CACNB2: variants seen among roughly 807,000 people sequenced by gnomAD.
The protein encoded by CACNB2 is calcium voltage-gated channel auxiliary subunit beta 2, also known as voltage-dependent L-type calcium channel subunit beta-2.
A neutral mutation model predicts 73.3 loss-of-function variants in CACNB2; 42 were observed. The observed-to-expected ratio is 0.57, with a 90% confidence interval of 0.45 to 0.74. CACNB2 has a LOEUF of 0.74. CACNB2 is among the 30% of genes least tolerant of loss of function. CACNB2 has a pLI of 0.00. For synonymous variants in CACNB2, 348 were observed against 310.3 expected (o/e 1.12, Z -1.28); for missense variants, 940 against 853.0 (o/e 1.10, Z -1.27).
At chr10:18,503,060 T>C (rs2050295107) in intron 5 of CACNB2, among the ~76,000 whole-genome samples, 1 of 152,198 alleles carries the variant, frequency 6.6e-6, no homozygotes, top group African/African-American at 2.4e-5. Context: ...CAGTAAATTA[T>C]TCATTAGACC....
chr10:18,447,088 T>G (rs1040687140), intron 3 of CACNB2, among the ~76,000 whole-genome samples: 1 of 151,728 alleles, frequency 6.6e-6, no homozygotes, highest in African/African-American at 2.4e-5. Context: ...AATAAAAAGT[T>G]GATAGGTAAA....
At chr10:18,519,233 A>G (rs1188177911) in intron 9 of CACNB2, among the ~76,000 whole-genome samples, 1 of 152,120 alleles carries the variant, frequency 6.6e-6, no homozygotes, top group Admixed American at 6.6e-5. Flanking sequence ...CCCTCAATTC[A>G]TGGTCAACTG....
chr10:18,480,670 C>T (rs1357418093), intron 3 of CACNB2, among the ~76,000 whole-genome samples: 3 of 152,130 alleles, frequency 2.0e-5, no homozygotes, highest in East Asian at 3.9e-4. Context: ...AAACAGAATC[C>T]AGAACTTTTA....
intron 2 of CACNB2, among the ~76,000 whole-genome samples, chr10:18,179,682 T>C (rs2033778517): frequency 6.6e-6 from 1 of 152,206 alleles, no homozygotes; most frequent in Non-Finnish European, 1.5e-5. Context: ...GTTTAACTTT[T>C]TGTATGATGC....
intron 3 of CACNB2, among the ~76,000 whole-genome samples, chr10:18,470,012 C>A (rs2048099315): frequency 6.6e-6 from 1 of 151,984 alleles, no homozygotes; most frequent in Admixed American, 6.6e-5. Context: ...TTTTCTTTAT[C>A]ATGCTATAAA....
At chr10:18,326,531 A>G (rs979084362) in intron 2 of CACNB2, among the ~76,000 whole-genome samples, 23 of 152,224 alleles carry the variant, frequency 1.5e-4, no homozygotes, top group Non-Finnish European at 2.6e-4. Flanking sequence ...CAGAACTGCT[A>G]TGCCCTCTGA....
chr10:18,466,064 T>G (rs1198388330), intron 3 of CACNB2, among the ~76,000 whole-genome samples: 3 of 152,100 alleles, frequency 2.0e-5, no homozygotes, highest in Non-Finnish European at 2.9e-5. Flanking sequence ...TGACAACACT[T>G]GACAAACACA....
At chr10:18,207,516 G>A (rs947492662) in intron 2 of CACNB2, among the ~76,000 whole-genome samples, 2 of 152,110 alleles carry the variant, frequency 1.3e-5, no homozygotes, top group Non-Finnish European at 2.9e-5. Flanking sequence ...GTGGGGTGGG[G>A]GAGAAACTAT....
chr10:18,492,893 C>T (rs1229264447), intron 3 of CACNB2, among the ~76,000 whole-genome samples: 1 of 152,008 alleles, frequency 6.6e-6, no homozygotes, highest in African/African-American at 2.4e-5. Context: ...GAAATATTTA[C>T]TTAGGTGTAG....
At chr10:18,281,077 G>C (rs2038525788) in intron 2 of CACNB2, among the ~76,000 whole-genome samples, 1 of 152,192 alleles carries the variant, frequency 6.6e-6, no homozygotes, top group Non-Finnish European at 1.5e-5. Context: ...TATCTGACTT[G>C]AAATCTATGC....
At chr10:18,536,243 C>CTTTTCTTTTTTTTTTTTTT (rs1327787339) in intron 12 of CACNB2, 47 bp downstream of exon 12, 31 of 283,174 alleles carry the variant, frequency 1.1e-4, no homozygotes, top group Admixed American at 1.4e-4. Flanking sequence ...GAGATCAGAC[C>CTTTTCTTTTTTTTTTTTTT]TTTTTTTTTT....
chr10:18,260,469 G>T, intron 2 of CACNB2: 1 of 985,396 alleles, frequency 1.0e-6, no homozygotes, highest in African/African-American at 1.7e-5. Flanking sequence ...ACAACTGTGC[G>T]CCGCAGTGCT....
At chr10:18,446,807 G>A (rs1378680113) in intron 3 of CACNB2, among the ~76,000 whole-genome samples, 2 of 152,164 alleles carry the variant, frequency 1.3e-5, no homozygotes, top group Middle Eastern at 3.2e-3. Context: ...GCTCATGCCT[G>A]TAATCCTAGC....
At chr10:18,535,225 T>C (rs2133293009) in intron 11 of CACNB2, among the ~76,000 whole-genome samples, 1 of 152,316 alleles carries the variant, frequency 6.6e-6, no homozygotes, top group South Asian at 2.1e-4. Flanking sequence ...CAGGTTCAGA[T>C]TCCACATAAC....
At chr10:18,426,108 A>G (rs1287381186) in intron 3 of CACNB2, among the ~76,000 whole-genome samples, 1 of 152,186 alleles carries the variant, frequency 6.6e-6, no homozygotes, top group Non-Finnish European at 1.5e-5. Flanking sequence ...TAGATACCAT[A>G]TATGAAGTCC....
At chr10:18,429,439 C>A (rs2045766654) in intron 3 of CACNB2, among the ~76,000 whole-genome samples, 3 of 152,020 alleles carry the variant, frequency 2.0e-5, no homozygotes, top group African/African-American at 7.2e-5. Flanking sequence ...TTTTGTCAAC[C>A]CTGGAAAACC....
intron 2 of CACNB2, among the ~76,000 whole-genome samples, chr10:18,378,890 C>T (rs1039655730): frequency 6.6e-6 from 1 of 152,164 alleles, no homozygotes; most frequent in Non-Finnish European, 1.5e-5. Flanking sequence ...CTTTCTGCTC[C>T]CAACTCCTTA....
intron 2 of CACNB2, 96 bp downstream of exon 2, chr10:18,151,071 A>G: frequency 2.5e-6 from 2 of 811,760 alleles, no homozygotes; most frequent in Non-Finnish European, 4.3e-6. Context: ...TTTATGTAGT[A>G]TGATTGTACT....
chr10:18,280,921 G>A (rs1307753440), intron 2 of CACNB2, among the ~76,000 whole-genome samples: 2 of 152,162 alleles, frequency 1.3e-5, no homozygotes, highest in Non-Finnish European at 2.9e-5. Flanking sequence ...CTTTGCACAT[G>A]ACTTAATTTA....
Sources: allele counts gnomAD v4.1 joint callset (sites outside exome capture counted in the v4.1 genomes callset), GRCh38; gene constraint gnomAD v4.1.1; transcripts MANE v1.5; gene names NCBI Gene and HGNC (gene_info 2026-07-23, HGNC 2026-07-21).